UBE2T: variants seen among roughly 807,000 people sequenced by gnomAD.
The protein encoded by UBE2T is ubiquitin conjugating enzyme E2 T, also known as ubiquitin-conjugating enzyme E2 T.
UBE2T carries 15 observed loss-of-function variants against 23.3 expected under a neutral mutation model. That is an observed-to-expected ratio of 0.64 (90% confidence interval 0.43 to 0.99). UBE2T has a LOEUF of 0.99. Among genes scored for constraint, UBE2T ranks in the 50% least tolerant of loss-of-function variants. UBE2T has a pLI of 0.00. For synonymous variants in UBE2T, 67 were observed against 78.4 expected (o/e 0.85, Z 0.77); for missense variants, 197 against 234.9 (o/e 0.84, Z 1.05).
chr1:202,333,177 G>T (rs188744491), intron 5 of UBE2T, 60 bp downstream of exon 5: 7 of 1,605,212 alleles, frequency 4.4e-6, no homozygotes, highest in Non-Finnish European at 5.1e-6. Flanking sequence ...CTCACACAGG[G>T]AGAGTTAGCG....
In UBE2T at chr1:202,331,701, A is replaced by G. The variant is rs555568775; in HGVS notation, c.*134T>C. 5.3e-6 allele frequency: 6 copies of G among 1,127,522 alleles called. No individual in the cohort carries two copies. Among genetic ancestry groups the G allele is most frequent in the South Asian group, 4.9e-5 (3 of 61,744 alleles). 69.8% of individuals were successfully genotyped at this position (1,127,522 alleles called of 1,614,324 possible). ...TATTTTTCAGGTTTAAAAGATTTCA[A>G]AATACATATGTACAAGATAAATAAA... On this transcript the variant is annotated 3_prime_UTR_variant, in exon 7 of 7. Coordinates refer to ENST00000646651, the MANE Select transcript of UBE2T (RefSeq NM_014176.4).
chr1:202,334,270 T>C (rs558991677), intron 3 of UBE2T, among the ~76,000 whole-genome samples: 1 of 152,280 alleles, frequency 6.6e-6, no homozygotes, highest in African/African-American at 2.4e-5. Context: ...ATCATGGTCT[T>C]TGCAGGAACA....
At chr1:202,333,363 T>C (rs1365030258) in intron 4 of UBE2T, 28 bp from the exon 5 acceptor site, 2 of 1,613,800 alleles carry the variant, frequency 1.2e-6, no homozygotes, top group Non-Finnish European at 1.7e-6. Context: ...AACAGTTGCT[T>C]TTATATTAGA....
At chr1:202,338,200 A>C (rs1351834226) in intron 1 of UBE2T, among the ~76,000 whole-genome samples, 1 of 151,966 alleles carries the variant, frequency 6.6e-6, no homozygotes, top group African/African-American at 2.4e-5. Flanking sequence ...TTTCTTACTG[A>C]TACATGTAAA....
At chr1:202,334,018 G>A (rs951599933) in intron 3 of UBE2T, among the ~76,000 whole-genome samples, 4 of 151,688 alleles carry the variant, frequency 2.6e-5, no homozygotes, top group African/African-American at 7.3e-5. Flanking sequence ...GTGAGACACC[G>A]ACCTTGCAAA....
At chr1:202,333,158 G>A (rs1365317504) in intron 5 of UBE2T, 65 bp from the exon 6 acceptor site, 1 of 1,600,700 alleles carries the variant, frequency 6.2e-7, no homozygotes, top group East Asian at 2.2e-5. Flanking sequence ...TAGAGCTGCT[G>A]CAGCTATCCT....
At chr1:202,332,229 G>C (rs1654767614) in intron 6 of UBE2T, among the ~76,000 whole-genome samples, 2 of 152,168 alleles carry the variant, frequency 1.3e-5, no homozygotes, top group Admixed American at 6.5e-5. Flanking sequence ...CCATGTTCCT[G>C]TAATTTGAAT....
intron 3 of UBE2T, among the ~76,000 whole-genome samples, chr1:202,334,747 TTA>T (rs1354248878): frequency 6.6e-6 from 1 of 152,182 alleles, no homozygotes; most frequent in Non-Finnish European, 1.5e-5. Flanking sequence ...ATGGTCAACT[TTA>T]TGTTATGTAT....
In UBE2T at chr1:202,336,328, C is replaced by A. The variant is rs577038166; in HGVS notation, c.-64-510G>T. ...TCTCCACCTGCTGGGCTTAAGTGAT[C>A]CTCCCATCTCAGCCGCCTATGTAGC... On this transcript the variant is annotated intron_variant, in intron 1 of 6. Coordinates refer to ENST00000646651, the MANE Select transcript of UBE2T (RefSeq NM_014176.4). 1.1e-4 allele frequency among the ~76,000 whole-genome samples: 16 copies of A among 150,050 alleles called. No homozygotes were observed. The South Asian group carries it at 3.4e-3, about 32-fold the overall frequency.
At chr1:202,340,318 A>G (rs1350756719) in intron 1 of UBE2T, among the ~76,000 whole-genome samples, 1 of 152,060 alleles carries the variant, frequency 6.6e-6, no homozygotes, top group Admixed American at 6.6e-5. Context: ...GTTTGAGACC[A>G]GCCTGGCCAA....
intron 6 of UBE2T, among the ~76,000 whole-genome samples, chr1:202,332,465 G>C (rs1366315702): frequency 6.6e-6 from 1 of 152,224 alleles, no homozygotes; most frequent in Non-Finnish European, 1.5e-5. Flanking sequence ...CTGCCGTCTA[G>C]TGTTGCCCAA....
intron 1 of UBE2T, among the ~76,000 whole-genome samples, chr1:202,336,146 A>AGGTGACCTCC (rs944407840): frequency 6.7e-6 from 1 of 149,472 alleles, no homozygotes; most frequent in African/African-American, 2.5e-5. Context: ...GCCTGACCTC[A>AGGTGACCTCC]GGTGATCCGC....
Position 202,341,890 on chromosome 1 carries a change from C to T in UBE2T, c.-65+5G>A, listed in dbSNP as rs1053899664. 6.6e-6 allele frequency: 1 copy of T among 152,368 alleles called. No homozygotes were observed. Among genetic ancestry groups the T allele is most frequent in the African/African-American group, 2.4e-5 (1 of 41,482 alleles). 9.4% of individuals were successfully genotyped at this position (152,368 alleles called of 1,614,324 possible). ...ATGGGGAACCGGAATACTCTCCTTG[C>T]TTACCTGAGCTGACACCCCTCACAA... is the stretch of plus-strand genomic sequence containing the variant. On this transcript the variant is annotated splice_donor_5th_base_variant and intron_variant, in intron 1 of 6. Transcript: ENST00000646651.
intron 3 of UBE2T, among the ~76,000 whole-genome samples, chr1:202,334,639 T>C (rs1023999035): frequency 1.3e-5 from 2 of 152,116 alleles, no homozygotes; most frequent in African/African-American, 4.8e-5. Flanking sequence ...GGCTATGAAG[T>C]TTCAGTGTAG....
chr1:202,334,866 C>T lies in UBE2T; in HGVS notation c.179+123G>A, dbSNP rs942373471. On this transcript the variant is annotated intron_variant, in intron 3 of 6. Coordinates refer to ENST00000646651, the MANE Select transcript of UBE2T (RefSeq NM_014176.4). Reference sequence around the variant, plus strand: ...AGAGAAAATAACTTGGTCGAGGTCACCTTAAGTCATGATAAGGCCAGGATT... The same window carrying T: ...AGAGAAAATAACTTGGTCGAGGTCATCTTAAGTCATGATAAGGCCAGGATT... 4.3e-4 allele frequency: 372 copies of T among 859,040 alleles called. 3 individuals carry two copies. The highest frequency in any genetic ancestry group is 4.1e-5 in the Non-Finnish European group (23 of 564,472). The allele number at this position is 859,040 out of a possible 1,614,324, so 53.2% of individuals were successfully genotyped here.
chr1:202,338,134 T>A (rs1364654087), intron 1 of UBE2T, among the ~76,000 whole-genome samples: 1 of 152,204 alleles, frequency 6.6e-6, no homozygotes, highest in Non-Finnish European at 1.5e-5. Flanking sequence ...TTTGTTAGAC[T>A]GATTTCTAAG....
Position 202,331,845 on chromosome 1 carries a change from G to C in UBE2T, c.584C>G (p.Pro195Arg), listed in dbSNP as rs1436308431. 1 of 1,614,100 alleles carries C rather than the reference G, an allele frequency of 6.2e-7. No homozygotes were observed. Among genetic ancestry groups the C allele is most frequent in the Non-Finnish European group, 8.5e-7 (1 of 1,180,012 alleles). Reference sequence around the variant, plus strand: ...ACCAGGACAAGTCCCCTAAACATCAGGATGAAATTTCTTTTCTATGCCTAC... The same window carrying C: ...ACCAGGACAAGTCCCCTAAACATCACGATGAAATTTCTTTTCTATGCCTAC... ...QLVGIEKKFH[P>R]DV The change falls in exon 7 of 7, where the codon CCT (proline) becomes CGT (arginine). Residue 195 changes from proline to arginine, a missense_variant. By Grantham distance (103) the Pro-to-Arg change is moderately radical (BLOSUM62 -2). Transcript: ENST00000646651.
intron 1 of UBE2T, among the ~76,000 whole-genome samples, chr1:202,340,894 G>A (rs992611832): frequency 2.6e-5 from 4 of 152,194 alleles, no homozygotes; most frequent in African/African-American, 4.8e-5. Context: ...ATGAATAACT[G>A]CCTATTTTTC....
Position 202,332,934 on chromosome 1 carries a change from A to C in UBE2T, c.468+76T>G, listed in dbSNP as rs1016219708. The C allele has an allele frequency of 9.5e-5, 48 of 506,012 alleles. 1 individual carries two copies. Among genetic ancestry groups the C allele is most frequent in the African/African-American group, 2.5e-4 (11 of 43,330 alleles). 31.3% of individuals were successfully genotyped at this position (506,012 alleles called of 1,614,324 possible). The stretch of plus-strand genomic sequence containing the variant: ...AAAAAAAAAAAAAAAAAAAAAAAAA[A>C]AAAAAACATTATTTATACATATATA... On this transcript the variant is annotated intron_variant, in intron 6 of 6. Coordinates refer to ENST00000646651, the MANE Select transcript of UBE2T (RefSeq NM_014176.4).
Sources: allele counts gnomAD v4.1 joint callset (sites outside exome capture counted in the v4.1 genomes callset), GRCh38; gene constraint gnomAD v4.1.1; transcripts MANE v1.5; gene names NCBI Gene and HGNC (gene_info 2026-07-23, HGNC 2026-07-21).